The following MYO3B variants were observed in gnomAD, a reference collection of about 807,000 sequenced individuals.
The protein encoded by MYO3B is myosin IIIB, also known as myosin-IIIb.
In MYO3B, 156 loss-of-function variants were observed where a neutral mutation model predicts 174.6. The ratio of observed to expected loss-of-function variants is 0.89; its 90% confidence interval spans 0.78 to 1.02. The LOEUF is 1.02. Ranked by LOEUF, MYO3B falls within the 50% of genes least tolerant of loss-of-function variation. The probability of loss-of-function intolerance (pLI) is 0.00; values close to 1 mark genes in which losing one functional copy is unlikely to be tolerated. For synonymous variants in MYO3B, 563 were observed against 569.1 expected (o/e 0.99, Z 0.15); for missense variants, 1,632 against 1,639.4 (o/e 1.00, Z 0.08).
At position 170,234,587 on chromosome 2, in the gene MYO3B, A is replaced by G. The variant is rs571527087; in HGVS notation, c.604-1404A>G. Among the ~76,000 whole-genome samples, 13 of 152,358 alleles carry G rather than the reference A, an allele frequency of 8.5e-5. No homozygotes were observed. In the South Asian group the frequency reaches 1.0e-3, roughly 12 times the overall value. ...TTACGATTCTCTAGATCAGAAGTCC[A>G]GTATGAGTCTCACCAGGCTAAAATA... On this transcript the variant is annotated intron_variant, in intron 6 of 34. Transcript: ENST00000408978.
chr2:170,504,896 GAGGGAGGGAC>G (rs1687524532), intron 28 of MYO3B, among the ~76,000 whole-genome samples: 1 of 152,164 alleles, frequency 6.6e-6, no homozygotes, highest in Admixed American at 6.5e-5. Context: ...TGGTGTGATC[GAGGGAGGGAC>G]AGGGCTCCAG....
At chr2:170,322,744 T>C (rs2093837894) in intron 7 of MYO3B, among the ~76,000 whole-genome samples, 1 of 152,232 alleles carries the variant, frequency 6.6e-6, no homozygotes, top group South Asian at 2.1e-4. Flanking sequence ...AAATGGAGCC[T>C]GTCAGCCTAT....
Position 170,247,053 on chromosome 2 carries a change from C to G in MYO3B, c.749+10917C>G, listed in dbSNP as rs1219467886. Among the ~76,000 whole-genome samples, 6 of 152,180 alleles carry G rather than the reference C, an allele frequency of 3.9e-5. No individual in the cohort carries two copies. In the East Asian group the frequency reaches 1.2e-3, roughly 29 times the overall value. ...GGTACATGAGAGATTCTTCCTCTCC[C>G]TTGCACCAGACAGCTGAGCCAAGAA... On this transcript the variant is annotated intron_variant, in intron 7 of 34. Transcript: ENST00000408978.
At chr2:170,256,548 G>A (rs2105341420) in intron 7 of MYO3B, among the ~76,000 whole-genome samples, 1 of 152,194 alleles carries the variant, frequency 6.6e-6, no homozygotes, top group Admixed American at 6.5e-5. Flanking sequence ...AGATTCATAA[G>A]CAAAGGAGAA....
At chr2:170,612,152 T>C (rs186544741) in intron 32 of MYO3B, among the ~76,000 whole-genome samples, 1 of 152,312 alleles carries the variant, frequency 6.6e-6, no homozygotes, top group African/African-American at 2.4e-5. Flanking sequence ...AACTAATGCA[T>C]TGTCTTGTCT....
Position 170,314,505 on chromosome 2 carries a change from CT to C in MYO3B, c.750-20878del, listed in dbSNP as rs1416904475. On this transcript the variant is annotated intron_variant, in intron 7 of 34. Coordinates refer to ENST00000408978, the MANE Select transcript of MYO3B (RefSeq NM_138995.5). ...TGAATTCCCTTGGTTGTGCTCTCAT[CT>C]TATCACCTTTCATTAGATCTTTAAT... 2.0e-5 allele frequency among the ~76,000 whole-genome samples: 3 copies of C among 152,294 alleles called. No homozygotes were observed. In the East Asian group the frequency reaches 5.8e-4, roughly 29 times the overall value.
At chr2:170,255,184 A>G (rs1343646283) in intron 7 of MYO3B, among the ~76,000 whole-genome samples, 2 of 152,174 alleles carry the variant, frequency 1.3e-5, no homozygotes, top group Non-Finnish European at 2.9e-5. Flanking sequence ...CTTGTGACCT[A>G]ACCTTTGGCT....
intron 32 of MYO3B, among the ~76,000 whole-genome samples, chr2:170,581,054 T>C (rs1426604224): frequency 6.6e-6 from 1 of 152,206 alleles, no homozygotes; most frequent in Non-Finnish European, 1.5e-5. Context: ...AAGGAATTGC[T>C]AAGCCACACA....
intron 32 of MYO3B, among the ~76,000 whole-genome samples, chr2:170,650,940 CCA>C (rs966359691): frequency 1.7e-4 from 20 of 120,166 alleles, no homozygotes; most frequent in African/African-American, 6.3e-4. Flanking sequence ...CCTCAGCCTC[CCA>C]CTGCGCCCAG....
chr2:170,456,503 A>G (rs7602110), intron 23 of MYO3B, among the ~76,000 whole-genome samples: 1,798 of 152,262 alleles, frequency 0.012, 32 homozygotes, highest in African/African-American at 0.04. Flanking sequence ...CTTCAGTTCA[A>G]CATGTCAACA....
intron 7 of MYO3B, among the ~76,000 whole-genome samples, chr2:170,252,163 C>A (rs1329763422): frequency 1.3e-5 from 2 of 152,236 alleles, no homozygotes; most frequent in African/African-American, 2.4e-5. Flanking sequence ...CACAGTCCTC[C>A]TGCTGGCTCC....
chr2:170,242,650 G>A (rs959951621), intron 7 of MYO3B, among the ~76,000 whole-genome samples: 1 of 152,094 alleles, frequency 6.6e-6, no homozygotes, highest in African/African-American at 2.4e-5. Flanking sequence ...ATGCCTTCAG[G>A]GACTTTGGGT....
chr2:170,494,456 G>T (rs891052332), intron 25 of MYO3B, among the ~76,000 whole-genome samples: 2 of 152,092 alleles, frequency 1.3e-5, no homozygotes, highest in African/African-American at 4.8e-5. Flanking sequence ...GGCCAGATGC[G>T]TTGGCTCATG....
chr2:170,189,393 A>G lies in MYO3B; in HGVS notation c.3-9815A>G, dbSNP rs554440089. Among the ~76,000 whole-genome samples, 3 of 152,160 alleles carry G rather than the reference A, an allele frequency of 2.0e-5. No individual in the cohort carries two copies. In the East Asian group the frequency reaches 5.8e-4, roughly 29 times the overall value. On this transcript the variant is annotated intron_variant, in intron 1 of 34. Transcript: ENST00000408978. ...TAGGTTTAGGAGGTTCTCTGTTATC[A>G]TCCCTTTGAATAAACATTCTACCCC... is the stretch of plus-strand genomic sequence containing the variant.
intron 15 of MYO3B, 103 bp from the exon 16 acceptor site, chr2:170,392,278 G>A: frequency 1.4e-6 from 1 of 706,694 alleles, no homozygotes; most frequent in East Asian, 2.9e-5. Context: ...GGGCAACAGA[G>A]TGAGGTCCCA....
At chr2:170,516,945 C>T (rs943620047) in intron 29 of MYO3B, among the ~76,000 whole-genome samples, 2 of 152,154 alleles carry the variant, frequency 1.3e-5, no homozygotes, top group African/African-American at 4.8e-5. Context: ...AATGAGTCAC[C>T]TTCTCTCTCT....
intron 6 of MYO3B, among the ~76,000 whole-genome samples, chr2:170,220,589 A>C (rs2092886036): frequency 7.0e-6 from 1 of 143,788 alleles, no homozygotes; most frequent in African/African-American, 2.6e-5. Flanking sequence ...AGATTGCACC[A>C]CTGCACTCCA....
chr2:170,292,182 T>C (rs938786805), intron 7 of MYO3B, among the ~76,000 whole-genome samples: 3 of 152,226 alleles, frequency 2.0e-5, no homozygotes, highest in African/African-American at 7.2e-5. Flanking sequence ...TGATTTTTTT[T>C]CTCTGTTTGG....
intron 32 of MYO3B, among the ~76,000 whole-genome samples, chr2:170,570,190 T>A (rs938562982): frequency 6.6e-6 from 1 of 152,180 alleles, no homozygotes; most frequent in African/African-American, 2.4e-5. Flanking sequence ...AGTTCTTGGC[T>A]GAAGAAAAAG....
Sources: gnomAD v4.1 joint callset for allele counts (sites outside exome capture counted in the v4.1 genomes callset) on GRCh38, gnomAD v4.1.1 for gene constraint, MANE v1.5 for transcripts, NCBI Gene and HGNC (gene_info 2026-07-23, HGNC 2026-07-21) for gene names.